Variants in C10orf90 observed in about 807,000 individuals in gnomAD.
The protein encoded by C10orf90 is (E2-independent) E3 ubiquitin-conjugating enzyme FATS.
A neutral mutation model predicts 62.5 loss-of-function variants in C10orf90; 56 were observed. That is an observed-to-expected ratio of 0.90 (90% CI 0.72 to 1.12). C10orf90 has a LOEUF of 1.12. Among genes scored for constraint, C10orf90 ranks in the 50% most tolerant of loss-of-function variants. The pLI, the probability that C10orf90 is intolerant of heterozygous loss-of-function variation, is 0.00. For synonymous variants in C10orf90, 386 were observed against 340.4 expected (o/e 1.13, Z -1.47); for missense variants, 970 against 880.4 (o/e 1.10, Z -1.29).
At chr10:126,598,212 C>T (rs1845124132) in intron 2 of C10orf90, among the ~76,000 whole-genome samples, 1 of 152,164 alleles carries the variant, frequency 6.6e-6, no homozygotes, top group Non-Finnish European at 1.5e-5. Context: ...AGAGCTGGTC[C>T]CATACACAGG....
chr10:126,523,799 T>C (rs1863850818), intron 2 of C10orf90, among the ~76,000 whole-genome samples: 1 of 151,398 alleles, frequency 6.6e-6, no homozygotes, highest in East Asian at 2.0e-4. Context: ...TTGCCTACTC[T>C]AGGAACCTTA....
In C10orf90 at chr10:126,464,948, G is replaced by T. The variant is rs1400358216; in HGVS notation, c.1573C>A (p.Gln525Lys). 2.5e-6 allele frequency: 4 copies of T among 1,597,246 alleles called. No individual in the cohort carries two copies. The highest frequency in any genetic ancestry group is 1.1e-5 in the South Asian group (1 of 90,636). ...GACACAGTCATACATACTTCTCCTT[G>T]TTGCCTCTTGCTGCTTCCAGAAAAT... ...KVFSGSSKRQ[Q>K]GEVCMTVSAP... Residue 525 changes from glutamine (Q) to lysine (K), a missense_variant, in exon 5 of 10, where the codon CAA becomes AAA. Coordinates refer to ENST00000488181, the MANE Select transcript of C10orf90 (RefSeq NM_001350921.2).
intron 2 of C10orf90, among the ~76,000 whole-genome samples, chr10:126,591,452 G>A (rs1006079634): frequency 2.0e-5 from 3 of 151,978 alleles, no homozygotes; most frequent in Non-Finnish European, 4.4e-5. Context: ...AAATCACATG[G>A]CTAACTCAAT....
chr10:126,527,152 A>C (rs74851426), intron 2 of C10orf90, among the ~76,000 whole-genome samples: 2,934 of 152,304 alleles, frequency 0.019, 88 homozygotes, highest in African/African-American at 0.064. Flanking sequence ...ACTGTTTCCC[A>C]AAGTGTACCA....
chr10:126,532,851 AAAAAAATAGTG>A (rs1304348026), intron 2 of C10orf90, among the ~76,000 whole-genome samples: 1 of 81,660 alleles, frequency 1.2e-5, no homozygotes, highest in Non-Finnish European at 3.1e-5. Context: ...TCAAAAAAAA[AAAAAAATAGTG>A]AGCACAAAAC....
At position 126,519,061 on chromosome 10, in the gene C10orf90, T is replaced by A. The variant is rs561372956; in HGVS notation, c.314-5122A>T. Among the ~76,000 whole-genome samples, 9 of 152,216 alleles carry A rather than the reference T, an allele frequency of 5.9e-5. No individual in the cohort carries two copies. The South Asian group carries it at 1.2e-3, about 21-fold the overall frequency. ...ACGGCTTTGCTATCCCCAGCCTTGATAAGCCACGGACAGAGCCCTTCCAGC... is the reference window on the plus strand; with the variant it reads ...ACGGCTTTGCTATCCCCAGCCTTGAAAAGCCACGGACAGAGCCCTTCCAGC... On this transcript the variant is annotated intron_variant, in intron 2 of 9. Transcript: ENST00000488181.
intron 4 of C10orf90, among the ~76,000 whole-genome samples, chr10:126,470,570 A>C (rs1239257004): frequency 7.5e-6 from 1 of 133,740 alleles, no homozygotes; most frequent in African/African-American, 2.9e-5. Context: ...ACTCTACTAA[A>C]AACTAAAAAA....
At chr10:126,475,640 T>A (rs751120138) in intron 4 of C10orf90, among the ~76,000 whole-genome samples, 8 of 105,678 alleles carry the variant, frequency 7.6e-5, no homozygotes, top group Non-Finnish European at 1.4e-4. Context: ...CTTAATAACT[T>A]AATTAAGTTG....
chr10:126,667,769 A>G (rs1377160599), intron 1 of C10orf90, among the ~76,000 whole-genome samples: 2 of 152,172 alleles, frequency 1.3e-5, no homozygotes, highest in African/African-American at 4.8e-5. Context: ...GGCTCATCCC[A>G]TCCTCCAGTT....
At position 126,456,364 on chromosome 10, in the gene C10orf90, T is replaced by C. The variant is rs528694170; in HGVS notation, c.2188+2676A>G. ...GGTCAGGGTGGCCATAAAACCCACGTTGGCCAAGTCCCACTTTGAGAGCAT... is the reference window on the plus strand; with the variant it reads ...GGTCAGGGTGGCCATAAAACCCACGCTGGCCAAGTCCCACTTTGAGAGCAT... On this transcript the variant is annotated intron_variant, in intron 7 of 9. Transcript: ENST00000488181. The surrounding 1 kb of genome is among the most constrained non-coding windows in gnomAD (Gnocchi z 4.9). Among the ~76,000 whole-genome samples, 1 of 152,226 alleles carries C rather than the reference T, an allele frequency of 6.6e-6. No homozygotes were observed. The highest frequency in any genetic ancestry group is 2.1e-4 in the South Asian group (1 of 4,824).
chr10:126,556,884 C>A (rs1463448919), intron 2 of C10orf90, among the ~76,000 whole-genome samples: 1 of 151,884 alleles, frequency 6.6e-6, no homozygotes, highest in Non-Finnish European at 1.5e-5. Flanking sequence ...AAACCTGGAG[C>A]CTGAGAGGCA....
At chr10:126,596,336 G>C (rs1164317319) in intron 2 of C10orf90, among the ~76,000 whole-genome samples, 1 of 150,742 alleles carries the variant, frequency 6.6e-6, no homozygotes, top group Non-Finnish European at 1.5e-5. Flanking sequence ...ATTGGACTTT[G>C]CCAAAATTAA....
chr10:126,464,344 C>T (rs1221528797), intron 5 of C10orf90, among the ~76,000 whole-genome samples: 1 of 152,154 alleles, frequency 6.6e-6, no homozygotes. Context: ...CCACAGTCAA[C>T]CCAGAGGACC....
chr10:126,646,614 G>C lies in C10orf90; in HGVS notation c.264C>G (p.Ser88=), dbSNP rs544033283. ...TTTCCCAGGCAGAATGATCTTTGGG[G>C]GATGAGAAGAGTCGACTGTGGATCT... is the stretch of plus-strand genomic sequence containing the variant. ...RYEIHSRLFS[S]PKDHSAWERN... Residue 88 remains serine, a synonymous_variant, in exon 2 of 10, where the codon TCC becomes TCG. Coordinates refer to ENST00000488181, the MANE Select transcript of C10orf90 (RefSeq NM_001350921.2). 3.6e-5 allele frequency: 16 copies of C among 447,554 alleles called. No homozygotes were observed. Among genetic ancestry groups the C allele is most frequent in the Non-Finnish European group, 7.2e-5 (16 of 223,176 alleles). The allele number at this position is 447,554 out of a possible 1,614,324, so 27.7% of individuals were successfully genotyped here.
Position 126,627,000 on chromosome 10 carries a change from C to CT in C10orf90, c.313+19564dup, listed in dbSNP as rs61226052. Among the ~76,000 whole-genome samples, 1,013 of 119,450 alleles carry CT rather than the reference C, an allele frequency of 8.5e-3. 29 individuals are homozygous for CT. Among genetic ancestry groups the CT allele is most frequent in the African/African-American group, 0.023 (743 of 31,842 alleles). 78.4% of individuals were successfully genotyped at this position (119,450 alleles called of 152,430 possible). ...AGATTTTTCTTTTTCTTTTTCTTTTCTTTTTTTTTTTTTTTTTGAGACGTA... is the reference window on the plus strand; with the variant it reads ...AGATTTTTCTTTTTCTTTTTCTTTTCTTTTTTTTTTTTTTTTTTGAGACGTA... On this transcript the variant is annotated intron_variant, in intron 2 of 9. Transcript: ENST00000488181.
chr10:126,486,447 T>C (rs551497737), intron 4 of C10orf90, among the ~76,000 whole-genome samples: 3 of 152,124 alleles, frequency 2.0e-5, no homozygotes, highest in East Asian at 3.9e-4. Flanking sequence ...AAGAAACAAC[T>C]TAAGCAAAAG....
At chr10:126,433,439 G>C (rs1857710457) in intron 7 of C10orf90, among the ~76,000 whole-genome samples, 1 of 152,114 alleles carries the variant, frequency 6.6e-6, no homozygotes, top group Admixed American at 6.6e-5. Context: ...AGTAGAGAGA[G>C]ACATACCCCA....
chr10:126,606,279 G>T (rs1398473802), intron 2 of C10orf90, among the ~76,000 whole-genome samples: 1 of 152,138 alleles, frequency 6.6e-6, no homozygotes, highest in Non-Finnish European at 1.5e-5. Context: ...ACCCTTGTAG[G>T]TTATAATCAG....
chr10:126,433,221 C>G (rs1857695024), intron 7 of C10orf90, among the ~76,000 whole-genome samples: 1 of 152,034 alleles, frequency 6.6e-6, no homozygotes. Flanking sequence ...GTTTTTATCT[C>G]CTTGGTGCTA....
Sources: allele counts gnomAD v4.1 joint callset (sites outside exome capture counted in the v4.1 genomes callset), GRCh38; gene constraint gnomAD v4.1.1; non-coding constraint Gnocchi (gnomAD v3.1); transcripts MANE v1.5; gene names NCBI Gene and HGNC (gene_info 2026-07-23, HGNC 2026-07-21).